ANKAR: variants seen among roughly 807,000 people sequenced by gnomAD.
ANKAR encodes ankyrin and armadillo repeat-containing protein.
In ANKAR, 136 loss-of-function variants were observed where a neutral mutation model predicts 146.2. The ratio of observed to expected loss-of-function variants is 0.93; its 90% CI spans 0.81 to 1.07. The LOEUF (loss-of-function observed/expected upper bound fraction) is 1.07. Ranked by LOEUF, ANKAR falls within the 50% of genes least tolerant of loss-of-function variation. The pLI is 0.00. For missense variants in ANKAR, 1,567 were observed against 1,679.9 expected (o/e 0.93, Z 1.18); for synonymous variants, 500 against 575.8 (o/e 0.87, Z 1.88).
At chr2:189,757,068 T>C (rs936339177) in intron 18 of ANKAR, among the ~76,000 whole-genome samples, 1 of 152,216 alleles carries the variant, frequency 6.6e-6, no homozygotes, top group Non-Finnish European at 1.5e-5. Context: ...GAATTAATAA[T>C]AACAATGTAT....
chr2:189,727,869 T>C lies in ANKAR; in HGVS notation c.2649T>C (p.Ala883=). The change falls in exon 13 of 23, where the codon GCT becomes GCC. Residue 883 remains alanine (A), a synonymous_variant. Coordinates refer to ENST00000684021, the MANE Select transcript of ANKAR (RefSeq NM_001378068.1). The stretch of plus-strand genomic sequence containing the variant: ...ATTCATTTGAAGATGTGTTGAAGGC[T>C]GTATCTTCTGCTGCAATTGCTGAGG... ...FLSSDSDVLK[A]VSSAAIAEVG... is the part of the protein sequence containing the mutation. 6.2e-7 allele frequency: 1 copy of C among 1,613,974 alleles called. No homozygotes were observed. The highest frequency in any genetic ancestry group is 8.5e-7 in the Non-Finnish European group (1 of 1,179,880).
intron 9 of ANKAR, among the ~76,000 whole-genome samples, chr2:189,709,583 AT>A (rs2039421436): frequency 1.3e-5 from 2 of 152,226 alleles, no homozygotes; most frequent in South Asian, 2.1e-4. Flanking sequence ...AATGAGAATG[AT>A]TTTTTTCCAA....
chr2:189,730,871 C>T (rs2042338704), intron 16 of ANKAR, among the ~76,000 whole-genome samples: 2 of 152,136 alleles, frequency 1.3e-5, no homozygotes, highest in African/African-American at 4.8e-5. Context: ...TATGTTTTTA[C>T]TCTTCAAATA....
downstream of ANKAR, among the ~76,000 whole-genome samples, chr2:189,747,975 T>C (rs548206729): frequency 1.7e-4 from 26 of 152,058 alleles, no homozygotes; most frequent in African/African-American, 6.0e-4. Context: ...TATGAGCCAC[T>C]GCGCCTGGCT....
chr2:189,755,184 T>C lies in ANKAR; in HGVS notation c.*585-5914T>C, dbSNP rs750350363. 6.9e-6 allele frequency: 11 copies of C among 1,603,770 alleles called. 1 individual carries two copies. In the South Asian group the frequency reaches 1.2e-4, roughly 18 times the overall value. ...TAATTCTTAATTACCTTGTCAAGCA[T>C]GTCACCTGGTGCTATGTCCAAAGAC... On this transcript the variant is annotated intron_variant and NMD_transcript_variant, in intron 18 of 18. Transcript: ENST00000441800.
At chr2:189,682,504 A>G (rs2105755654) in intron 2 of ANKAR, among the ~76,000 whole-genome samples, 1 of 152,276 alleles carries the variant, frequency 6.6e-6, no homozygotes, top group East Asian at 1.9e-4. Context: ...GAATAGGCAC[A>G]GGTTTCCCCA....
intron 2 of ANKAR, among the ~76,000 whole-genome samples, chr2:189,683,038 C>T (rs866141906): frequency 8.5e-5 from 13 of 152,124 alleles, no homozygotes; most frequent in Non-Finnish European, 1.5e-4. Context: ...GGATTAATGC[C>T]CTTATAAAAG....
At chr2:189,690,235 A>G (rs1344119812) in intron 3 of ANKAR, among the ~76,000 whole-genome samples, 1 of 152,212 alleles carries the variant, frequency 6.6e-6, no homozygotes, top group East Asian at 1.9e-4. Context: ...TGCCATATCC[A>G]TGATGGGAAA....
chr2:189,675,097 G>A (rs1168568407), intron 1 of ANKAR, among the ~76,000 whole-genome samples: 1 of 152,108 alleles, frequency 6.6e-6, no homozygotes, highest in African/African-American at 2.4e-5. Context: ...TTACTAAAAC[G>A]CATATTTTCT....
intron 9 of ANKAR, among the ~76,000 whole-genome samples, chr2:189,709,470 G>C (rs930229537): frequency 6.6e-6 from 1 of 152,148 alleles, no homozygotes; most frequent in African/African-American, 2.4e-5. Context: ...GAACCACTAG[G>C]TTTTGTTATA....
intron 10 of ANKAR, among the ~76,000 whole-genome samples, chr2:189,717,586 G>A (rs192441017): frequency 1.5e-3 from 222 of 152,162 alleles, no homozygotes; most frequent in African/African-American, 4.8e-3. Flanking sequence ...CCCATTACTG[G>A]GTATATACCC....
In ANKAR at chr2:189,746,345, C is replaced by T. The variant is rs749366406; in HGVS notation, c.4058-35C>T. 4 of 1,570,752 alleles carry T rather than the reference C, an allele frequency of 2.5e-6. No homozygotes were observed. In the South Asian group the frequency reaches 4.9e-5, roughly 19 times the overall value. ...AAGTAATGAGACTATACCTAGGGCT[C>T]TCAGGAGAGACATTTAATTGTGGCT... On this transcript the variant is annotated intron_variant, in intron 22 of 22. Transcript: ENST00000684021.
intron 6 of ANKAR, 41 bp from the exon 7 acceptor site, chr2:189,696,109 G>C: frequency 6.3e-7 from 1 of 1,588,452 alleles, no homozygotes; most frequent in Non-Finnish European, 8.6e-7. Flanking sequence ...CCAAACTTTA[G>C]GTGCATTTTG....
intron 2 of ANKAR, among the ~76,000 whole-genome samples, chr2:189,685,749 G>C (rs560451169): frequency 6.6e-6 from 1 of 152,304 alleles, no homozygotes; most frequent in Admixed American, 6.5e-5. Flanking sequence ...AGGGCTGTGA[G>C]TCAGGGGCCA....
In ANKAR at chr2:189,705,209, C is replaced by G; in HGVS notation, c.1895C>G (p.Ala632Gly). 6.2e-7 allele frequency: 1 copy of G among 1,613,916 alleles called. No individual in the cohort carries two copies. The highest frequency in any genetic ancestry group is 8.5e-7 in the Non-Finnish European group (1 of 1,179,950). Residue 632 changes from alanine to glycine, a missense_variant, in exon 8 of 23, where the codon GCT (alanine) becomes GGT (glycine). By Grantham distance (60) the Ala-to-Gly change is moderately conservative. Transcript: ENST00000684021. ...LCRKDPSLLE[A>G]EATAENQCTP... ...AGGAAGGATCCTAGTTTGCTAGAAG[C>G]TGAGGCAACAGCTGAGTAAGTCATT...
At position 189,677,104 on chromosome 2, in the gene ANKAR, A is replaced by G. The variant is rs2033814292; in HGVS notation, c.601+13A>G. On this transcript the variant is annotated intron_variant, in intron 2 of 22. Coordinates refer to ENST00000684021, the MANE Select transcript of ANKAR (RefSeq NM_001378068.1). ...TTTAGTTCAGCAGGTAAGAGAATTT[A>G]ACACTTCTTAAATTTTTTTTTTTTT... is the stretch of plus-strand genomic sequence containing the variant. 1 of 1,464,504 alleles carries G rather than the reference A, an allele frequency of 6.8e-7. No individual in the cohort carries two copies. The highest frequency in any genetic ancestry group is 1.4e-5 in the South Asian group (1 of 69,552). The allele number at this position is 1,464,504 out of a possible 1,614,324, so 90.7% of individuals were successfully genotyped here. A position where few individuals can be genotyped will look rare whatever the true frequency, so the allele number is the denominator to read the frequency against.
At position 189,702,828 on chromosome 2, in the gene ANKAR, A is replaced by G. The variant is rs556728643; in HGVS notation, c.1709-2195A>G. Among the ~76,000 whole-genome samples, 5 of 152,306 alleles carry G rather than the reference A, an allele frequency of 3.3e-5. No homozygotes were observed. In the South Asian group the frequency reaches 1.0e-3, roughly 32 times the overall value. On this transcript the variant is annotated intron_variant, in intron 7 of 22. Transcript: ENST00000684021. ...ATGAAAACAGTGGTTCACTGAGGAA[A>G]TATCTTTTAAACTGAGAAATGATTA... is the stretch of plus-strand genomic sequence containing the variant.
chr2:189,714,166 G>A (rs1391955232), intron 10 of ANKAR, among the ~76,000 whole-genome samples: 1 of 152,112 alleles, frequency 6.6e-6, no homozygotes, highest in Non-Finnish European at 1.5e-5. Flanking sequence ...AATAGTGGGA[G>A]ACTTTAACAC....
intron 18 of ANKAR, among the ~76,000 whole-genome samples, chr2:189,757,735 A>C (rs1244040240): frequency 2.0e-5 from 3 of 152,196 alleles, no homozygotes; most frequent in Non-Finnish European, 4.4e-5. Context: ...CATATGTCTC[A>C]TTTATATTTG....
Sources: allele counts gnomAD v4.1 joint callset (sites outside exome capture counted in the v4.1 genomes callset), GRCh38; gene constraint gnomAD v4.1.1; transcripts MANE v1.5; gene names NCBI Gene and HGNC (gene_info 2026-07-23, HGNC 2026-07-21).